Variants in MYCT1 observed in about 807,000 individuals in gnomAD.
MYCT1 encodes MYC target 1.
A neutral mutation model predicts 15.0 loss-of-function variants in MYCT1; 12 were observed. The observed-to-expected ratio is 0.80, with a 90% confidence interval of 0.51 to 1.29. MYCT1 has a LOEUF of 1.29. MYCT1 is among the 50% of genes most tolerant of loss of function. The pLI, the probability that MYCT1 is intolerant of heterozygous loss-of-function variation, is 0.00. For synonymous variants in MYCT1, 104 were observed against 102.7 expected (o/e 1.01, Z -0.07); for missense variants, 287 against 279.1 (o/e 1.03, Z -0.20).
the MYCT1 span, among the ~76,000 whole-genome samples, chr6:152,740,768 A>T: frequency 4.6e-5 from 7 of 152,082 alleles, no homozygotes; most frequent in East Asian, 1.9e-4. Context: ...TGAAAAACTA[A>T]TTTTTTTATA....
chr6:152,725,919 G>A (rs1224176364), downstream of MYCT1, among the ~76,000 whole-genome samples: 2 of 152,152 alleles, frequency 1.3e-5, no homozygotes, highest in African/African-American at 2.4e-5. Context: ...TGAGAGGGTG[G>A]GGATGAAGGG....
chr6:152,698,073 G>A lies in MYCT1; in HGVS notation c.171G>A (p.Gly57=), dbSNP rs1379327758. 4 of 1,583,766 alleles carry A rather than the reference G, an allele frequency of 2.5e-6. No homozygotes were observed. Among genetic ancestry groups the A allele is most frequent in the Non-Finnish European group, 3.4e-6 (4 of 1,170,112 alleles). ...DIMANNTTSL[G]SPWPENFWED... Reference sequence around the variant, plus strand: ...TGGCTAATAACACAACAAGTTTAGGGAGTCCATGGCCAGAAAACTTTTGGG... The same window carrying A: ...TGGCTAATAACACAACAAGTTTAGGAAGTCCATGGCCAGAAAACTTTTGGG... The change falls in exon 1 of 2, where the codon GGG becomes GGA. Residue 57 remains glycine (G), a synonymous_variant. Coordinates refer to ENST00000367245, the MANE Select transcript of MYCT1 (RefSeq NM_025107.3).
chr6:152,721,710 A>T (rs2099724728), intron 1 of MYCT1, 32 bp from the exon 2 acceptor site: 8 of 1,580,746 alleles, frequency 5.1e-6, no homozygotes, highest in Non-Finnish European at 6.9e-6. Context: ...CTATTTAAAA[A>T]TTGATTTAGC....
chr6:152,722,948 C>T lies in MYCT1; in HGVS notation c.*695C>T, dbSNP rs1000999617. On this transcript the variant is annotated 3_prime_UTR_variant, in exon 2 of 2. Transcript: ENST00000367245. Reference sequence around the variant, plus strand: ...GTAGAGATGAAGTGTCACTATGTTACCAAGGCTGGTCTCAAACTCCTAAAC... The same window carrying T: ...GTAGAGATGAAGTGTCACTATGTTATCAAGGCTGGTCTCAAACTCCTAAAC... 12 of 162,714 alleles carry T rather than the reference C, an allele frequency of 7.4e-5. No individual in the cohort carries two copies. The highest frequency in any genetic ancestry group is 6.9e-4 in the Admixed American group (11 of 15,944). The allele number at this position is 162,714 out of a possible 1,614,324, so 10.1% of individuals were successfully genotyped here.
At chr6:152,741,845 A>G in the MYCT1 span, among the ~76,000 whole-genome samples, 1 of 152,190 alleles carries the variant, frequency 6.6e-6, no homozygotes, top group East Asian at 1.9e-4. Context: ...AAAAAGAAAC[A>G]TGGCTGAGAA....
chr6:152,705,084 G>A (rs2266576), intron 1 of MYCT1, among the ~76,000 whole-genome samples: 106,071 of 151,940 alleles, frequency 0.7, 37,903 homozygotes, highest in East Asian at 0.98. Flanking sequence ...AATAAGTGCA[G>A]TCATGCAGTA....
chr6:152,721,672 A>T, intron 1 of MYCT1, 70 bp from the exon 2 acceptor site: 1 of 1,415,728 alleles, frequency 7.1e-7, no homozygotes, highest in Non-Finnish European at 9.7e-7. Context: ...TACAGTATAT[A>T]TGCTGACCCT....
In MYCT1 at chr6:152,722,467, A is replaced by G. The variant is rs191558655; in HGVS notation, c.*214A>G. On this transcript the variant is annotated 3_prime_UTR_variant, in exon 2 of 2. Transcript: ENST00000367245. ...TCAAAAAATGTAATATTTTCCCCCA[A>G]GCGTTTTATATTTATGTATTTTGTA... 198 of 513,214 alleles carry G rather than the reference A, an allele frequency of 3.9e-4. 1 individual carries two copies. In the East Asian group the frequency reaches 6.0e-3, roughly 16 times the overall value. The allele number at this position is 513,214 out of a possible 1,614,324, so 31.8% of individuals were successfully genotyped here.
intron 1 of MYCT1, among the ~76,000 whole-genome samples, chr6:152,715,106 T>A (rs2099723418): frequency 6.6e-6 from 1 of 152,150 alleles, no homozygotes; most frequent in South Asian, 2.1e-4. Context: ...TACTCAGATA[T>A]TTTTGTTTCT....
At chr6:152,741,413 C>T in the MYCT1 span, among the ~76,000 whole-genome samples, 1 of 152,212 alleles carries the variant, frequency 6.6e-6, no homozygotes, top group East Asian at 1.9e-4. Context: ...AAAAACCTTT[C>T]CACTTTTCCA....
At chr6:152,699,471 A>G (rs559090818) in intron 1 of MYCT1, among the ~76,000 whole-genome samples, 48 of 152,268 alleles carry the variant, frequency 3.2e-4, no homozygotes, top group African/African-American at 1.1e-3. Flanking sequence ...GGCTTTGGTA[A>G]TAGGTTATTT....
chr6:152,713,632 A>AT (rs556645665), intron 1 of MYCT1, among the ~76,000 whole-genome samples: 122 of 151,370 alleles, frequency 8.1e-4, no homozygotes, highest in Non-Finnish European at 1.2e-3. Context: ...ACTTTAGTTT[A>AT]TTTTTTTTTC....
chr6:152,724,889 T>A (rs2099725370), downstream of MYCT1, among the ~76,000 whole-genome samples: 1 of 151,878 alleles, frequency 6.6e-6, no homozygotes, highest in East Asian at 1.9e-4. Context: ...AATTAGTAAA[T>A]TATTTATTTA....
rs2099724983 is a variant in MYCT1 at position 152,723,010 on chromosome 6, G to A, written c.*757G>A. The A allele has an allele frequency of 1.3e-5, 2 of 157,676 alleles. No homozygotes were observed. Among genetic ancestry groups the A allele is most frequent in the African/African-American group, 4.8e-5 (2 of 41,560 alleles). The allele number at this position is 157,676 out of a possible 1,614,324, so 9.8% of individuals were successfully genotyped here. Reference sequence around the variant, plus strand: ...TCCTGCCTCGGCCTCCCAAAGTGCTGGAATTAGCCTGGCCAATCTTGGATT... The same window carrying A: ...TCCTGCCTCGGCCTCCCAAAGTGCTAGAATTAGCCTGGCCAATCTTGGATT... On this transcript the variant is annotated 3_prime_UTR_variant, in exon 2 of 2. Coordinates refer to ENST00000367245, the MANE Select transcript of MYCT1 (RefSeq NM_025107.3).
the MYCT1 span, among the ~76,000 whole-genome samples, chr6:152,731,219 G>A: frequency 7.0e-5 from 7 of 99,304 alleles, no homozygotes; most frequent in African/African-American, 1.7e-4. Context: ...TGTACCTAGC[G>A]TGAAAAAAAA....
chr6:152,730,446 C>G, the MYCT1 span, among the ~76,000 whole-genome samples: 15 of 152,212 alleles, frequency 9.9e-5, no homozygotes, highest in Admixed American at 3.3e-4. Flanking sequence ...ACAATTTTTG[C>G]GTGCCATCCA....
chr6:152,732,394 T>C, the MYCT1 span, among the ~76,000 whole-genome samples: 1 of 152,186 alleles, frequency 6.6e-6, no homozygotes, highest in African/African-American at 2.4e-5. Flanking sequence ...AGTTGAATTT[T>C]CAACAAATTA....
downstream of MYCT1, chr6:152,724,613 TA>T (rs2099725313): frequency 6.6e-6 from 1 of 152,164 alleles, no homozygotes. Flanking sequence ...AACACTGTTC[TA>T]AAAAGCAAGG....
At chr6:152,733,570 A>C in the MYCT1 span, among the ~76,000 whole-genome samples, 1 of 152,198 alleles carries the variant, frequency 6.6e-6, no homozygotes, top group African/African-American at 2.4e-5. Flanking sequence ...AGTTATATAA[A>C]GACAATCCCT....
Sources: allele counts gnomAD v4.1 joint callset (sites outside exome capture counted in the v4.1 genomes callset), GRCh38; gene constraint gnomAD v4.1.1; transcripts MANE v1.5; gene names NCBI Gene and HGNC (gene_info 2026-07-23, HGNC 2026-07-21).